Variants in GRIK2 observed in about 807,000 individuals in gnomAD.
GRIK2 encodes the protein glutamate receptor ionotropic, kainate 2.
GRIK2 carries 32 observed loss-of-function variants against 100.3 expected under a neutral mutation model. That is an observed-to-expected ratio of 0.32 (90% confidence interval 0.24 to 0.43). GRIK2 has a LOEUF of 0.43. GRIK2 is among the 20% of genes least tolerant of loss of function. GRIK2 has a pLI of 1.00. For synonymous variants in GRIK2, 417 were observed against 389.4 expected, an observed-to-expected ratio of 1.07 and a Z score of -0.83; for missense variants, 843 against 1,114.9, an observed-to-expected ratio of 0.76 and a Z score of 3.47.
intron 15 of GRIK2, among the ~76,000 whole-genome samples, chr6:102,044,211 A>T (rs1340851900): frequency 1.3e-5 from 2 of 152,074 alleles, no homozygotes; most frequent in African/African-American, 4.8e-5. Context: ...ATAAAAGTGA[A>T]CCAATCTTTC....
chr6:102,055,297 TTGA>T lies in GRIK2; in HGVS notation c.2312-32_2312-30del, dbSNP rs1185259958. ...CTTTAATTATGAAATTTCAGGTTCC[TTGA>T]AATACTTAACATAACCTCTCCTTTC... On this transcript the variant is annotated intron_variant, in intron 15 of 16. Transcript: ENST00000369134. The T allele has an allele frequency of 3.9e-6, 6 of 1,541,646 alleles. No homozygotes were observed. In the African/African-American group the frequency reaches 8.2e-5, roughly 21 times the overall value.
At chr6:102,056,091 C>A (rs1771450086) in intron 16 of GRIK2, among the ~76,000 whole-genome samples, 1 of 151,780 alleles carries the variant, frequency 6.6e-6, no homozygotes, top group South Asian at 2.1e-4. Flanking sequence ...GGAGAAATTA[C>A]AGTTAATTTT....
chr6:101,838,545 C>T (rs1783288055), intron 10 of GRIK2, among the ~76,000 whole-genome samples: 1 of 152,158 alleles, frequency 6.6e-6, no homozygotes, highest in East Asian at 1.9e-4. Context: ...ATCAATAAGA[C>T]CACAGACGGA....
rs772172312 is a variant in GRIK2 at position 101,799,783 on chromosome 6, A to G, written c.1087A>G (p.Ile363Val). 3 of 1,612,664 alleles carry G rather than the reference A, an allele frequency of 1.9e-6. No homozygotes were observed. The highest frequency in any genetic ancestry group is 1.7e-5 in the Admixed American group (1 of 59,918). ...WRFGTRFMSL[I>V]KEAHWEGLTG... ...CTTCGGGACCCGCTTTATGAGTCTAATTAAAGAGGTAAGTTAGGAGAAGAA... is the reference window on the plus strand; with the variant it reads ...CTTCGGGACCCGCTTTATGAGTCTAGTTAAAGAGGTAAGTTAGGAGAAGAA... The change falls in exon 8 of 17, where the codon ATT (isoleucine) becomes GTT (valine). Residue 363 changes from isoleucine (I) to valine (V), a missense_variant. Physicochemically the swap from Ile to Val is conservative, Grantham distance 29 (BLOSUM62 3). Transcript: ENST00000369134.
At chr6:101,591,288 C>CA (rs1554225114) in intron 2 of GRIK2, among the ~76,000 whole-genome samples, 3 of 145,278 alleles carry the variant, frequency 2.1e-5, no homozygotes, top group Non-Finnish European at 4.6e-5. Flanking sequence ...TATTTCTCTC[C>CA]TTTTTTTTTT....
At chr6:101,851,975 A>AAC (rs397786461) in intron 10 of GRIK2, among the ~76,000 whole-genome samples, 1 of 150,888 alleles carries the variant, frequency 6.6e-6, no homozygotes, top group Non-Finnish European at 1.5e-5. Flanking sequence ...AAAAAAAAAA[A>AAC]TCTTAACACC....
At chr6:101,544,968 A>T (rs1312876776) in intron 2 of GRIK2, among the ~76,000 whole-genome samples, 5 of 152,216 alleles carry the variant, frequency 3.3e-5, no homozygotes, top group African/African-American at 1.2e-4. Flanking sequence ...TTGTAAAATA[A>T]TAAAGACCGC....
intron 4 of GRIK2, among the ~76,000 whole-genome samples, chr6:101,643,397 A>G (rs757972985): frequency 4.0e-5 from 6 of 151,060 alleles, no homozygotes; most frequent in East Asian, 1.9e-4. Flanking sequence ...TTTTTTTTCT[A>G]TCTTGAAGAG....
At chr6:101,844,008 T>A (rs1339013966) in intron 10 of GRIK2, among the ~76,000 whole-genome samples, 1 of 152,104 alleles carries the variant, frequency 6.6e-6, no homozygotes, top group East Asian at 1.9e-4. Context: ...ACCTGGAACA[T>A]TTTAGATATC....
intron 10 of GRIK2, among the ~76,000 whole-genome samples, chr6:101,830,125 C>G (rs1411571919): frequency 6.6e-6 from 1 of 151,934 alleles, no homozygotes; most frequent in African/African-American, 2.4e-5. Flanking sequence ...TAAGGCTACA[C>G]TCCTACAACC....
intron 7 of GRIK2, among the ~76,000 whole-genome samples, chr6:101,750,773 G>A (rs1353490563): frequency 1.3e-5 from 2 of 152,202 alleles, no homozygotes; most frequent in Non-Finnish European, 2.9e-5. Flanking sequence ...GTTAAGCCTT[G>A]TGGATTAGCT....
At chr6:101,773,492 A>T (rs1778537838) in intron 7 of GRIK2, among the ~76,000 whole-genome samples, 1 of 150,948 alleles carries the variant, frequency 6.6e-6, no homozygotes, top group South Asian at 2.1e-4. Context: ...AAAAAAAAAA[A>T]AGGAAAAAAA....
intron 7 of GRIK2, among the ~76,000 whole-genome samples, chr6:101,788,657 G>T (rs1273832485): frequency 2.6e-5 from 4 of 152,158 alleles, no homozygotes; most frequent in African/African-American, 7.2e-5. Flanking sequence ...TGTGAATAGT[G>T]CTGCAATAAA....
chr6:101,454,613 AT>A (rs1040131518), intron 2 of GRIK2, among the ~76,000 whole-genome samples: 7 of 152,012 alleles, frequency 4.6e-5, no homozygotes, highest in Admixed American at 1.3e-4. Flanking sequence ...CTATACTGAG[AT>A]TTTTTTTATT....
At chr6:102,043,082 T>C (rs533691559) in intron 15 of GRIK2, among the ~76,000 whole-genome samples, 1 of 151,840 alleles carries the variant, frequency 6.6e-6, no homozygotes, top group Non-Finnish European at 1.5e-5. Context: ...CCCTTTATGA[T>C]CTTAGGTACC....
At position 101,888,612 on chromosome 6, in the gene GRIK2, C is replaced by T. The variant is rs573764717; in HGVS notation, c.1525-1028C>T. Among the ~76,000 whole-genome samples the T allele has an allele frequency of 1.7e-4, 26 of 152,224 alleles. No individual in the cohort carries two copies. In the South Asian group the frequency reaches 5.2e-3, roughly 30 times the overall value. On this transcript the variant is annotated intron_variant, in intron 11 of 16. Transcript: ENST00000369134. ...ATGTTCTTTCTCTGCACACCACCAA[C>T]ACACAAATGCACAAAAACACACACA...
intron 4 of GRIK2, among the ~76,000 whole-genome samples, chr6:101,658,930 T>C (rs1394677776): frequency 6.6e-6 from 1 of 152,224 alleles, no homozygotes; most frequent in Non-Finnish European, 1.5e-5. Context: ...TATTAGCCCT[T>C]TGTCAGATAG....
intron 14 of GRIK2, among the ~76,000 whole-genome samples, chr6:102,032,819 G>A (rs981903639): frequency 2.0e-5 from 3 of 151,136 alleles, no homozygotes; most frequent in Admixed American, 6.6e-5. Context: ...GTTATCCTTG[G>A]CTGTTTGATC....
At chr6:101,826,477 T>C (rs992361552) in intron 10 of GRIK2, among the ~76,000 whole-genome samples, 2 of 151,988 alleles carry the variant, frequency 1.3e-5, no homozygotes, top group African/African-American at 2.4e-5. Flanking sequence ...TACTCAAGTA[T>C]GTATGGAGAT....
Sources: allele counts gnomAD v4.1 joint callset (sites outside exome capture counted in the v4.1 genomes callset), GRCh38; gene constraint gnomAD v4.1.1; transcripts MANE v1.5; gene names NCBI Gene and HGNC (gene_info 2026-07-23, HGNC 2026-07-21).